Variants in DGKB observed in about 807,000 individuals in gnomAD.
DGKB encodes the protein diacylglycerol kinase beta, also known as 90 kDa diacylglycerol kinase.
A neutral mutation model predicts 114.3 loss-of-function variants in DGKB; 67 were observed. That is an observed-to-expected ratio of 0.59 (90% CI 0.48 to 0.72). The LOEUF (loss-of-function observed/expected upper bound fraction) is 0.72. DGKB is among the 30% of genes least tolerant of loss of function. DGKB has a pLI of 0.00. For synonymous variants in DGKB, 398 were observed against 323.1 expected (o/e 1.23, Z -2.49); for missense variants, 907 against 975.2 (o/e 0.93, Z 0.93).
intron 20 of DGKB, among the ~76,000 whole-genome samples, chr7:14,509,216 T>C (rs937226191): frequency 6.6e-6 from 1 of 152,144 alleles, no homozygotes; most frequent in African/African-American, 2.4e-5. Flanking sequence ...GGTTCAGTTC[T>C]AGAACACCAC....
chr7:14,499,148 C>T (rs181721659), intron 20 of DGKB, among the ~76,000 whole-genome samples: 6 of 151,770 alleles, frequency 4.0e-5, no homozygotes, highest in Admixed American at 1.3e-4. Context: ...AAATTTTGCA[C>T]TGGTTGCTTG....
chr7:14,867,001 C>T (rs1017119713), intron 1 of DGKB, among the ~76,000 whole-genome samples: 1 of 152,164 alleles, frequency 6.6e-6, no homozygotes, highest in African/African-American at 2.4e-5. Context: ...CATCTTTTCA[C>T]ATGCTTATTT....
At chr7:14,527,296 TACAGA>T (rs1215108320) in intron 20 of DGKB, among the ~76,000 whole-genome samples, 1 of 152,172 alleles carries the variant, frequency 6.6e-6, no homozygotes, top group Non-Finnish European at 1.5e-5. Flanking sequence ...ATCCACTGTA[TACAGA>T]ACAGAATTGG....
intron 2 of DGKB, among the ~76,000 whole-genome samples, chr7:14,782,845 T>A (rs562452727): frequency 5.9e-5 from 9 of 151,814 alleles, no homozygotes; most frequent in Non-Finnish European, 1.2e-4. Flanking sequence ...ATATATATAT[T>A]TTTAAGACAG....
chr7:14,689,199 ATT>A (rs551618345), intron 9 of DGKB, among the ~76,000 whole-genome samples: 9,126 of 76,504 alleles, frequency 0.12, 841 homozygotes, highest in African/African-American at 0.29. Flanking sequence ...AACTCCTCTT[ATT>A]TTTTTTTTTT....
At chr7:14,201,901 T>C (rs748304917) in intron 23 of DGKB, among the ~76,000 whole-genome samples, 4 of 151,986 alleles carry the variant, frequency 2.6e-5, no homozygotes, top group African/African-American at 4.8e-5. Context: ...TACGTTGAAT[T>C]AGTAATAATG....
rs1354648109 is a variant in DGKB at position 14,271,670 on chromosome 7, A to G, written c.2122+66845T>C. Among the ~76,000 whole-genome samples the G allele has an allele frequency of 2.0e-5, 3 of 152,214 alleles. No individual in the cohort carries two copies. In the East Asian group the frequency reaches 5.8e-4, roughly 29 times the overall value. On this transcript the variant is annotated intron_variant, in intron 23 of 25. Transcript: ENST00000402815. ...AAATAATGGCAAAGCACATGAACTG[A>G]GTGCTCTGAAAGAGAGCACTACAAA...
chr7:14,465,846 A>G (rs1221030732), intron 21 of DGKB, among the ~76,000 whole-genome samples: 1 of 152,208 alleles, frequency 6.6e-6, no homozygotes, highest in Admixed American at 6.5e-5. Context: ...ATAGTGAAGT[A>G]TGGCCCATAG....
At chr7:14,705,318 T>G (rs1385332095) in intron 6 of DGKB, among the ~76,000 whole-genome samples, 1 of 148,410 alleles carries the variant, frequency 6.7e-6, no homozygotes, top group Non-Finnish European at 1.5e-5. Context: ...TGGGACTATG[T>G]GAAAAGACCA....
chr7:14,698,446 G>T (rs921727726), intron 7 of DGKB, among the ~76,000 whole-genome samples: 2 of 152,118 alleles, frequency 1.3e-5, no homozygotes, highest in Non-Finnish European at 2.9e-5. Context: ...AAAAGAGAGT[G>T]TCTGAAGAAA....
intron 13 of DGKB, among the ~76,000 whole-genome samples, chr7:14,652,700 A>T (rs1327535146): frequency 2.7e-5 from 4 of 150,514 alleles, no homozygotes; most frequent in Non-Finnish European, 4.4e-5. Flanking sequence ...AACTACCATC[A>T]GAGTGAACAG....
intron 21 of DGKB, among the ~76,000 whole-genome samples, chr7:14,369,752 C>G (rs1817313281): frequency 6.6e-6 from 1 of 152,310 alleles, no homozygotes; most frequent in Non-Finnish European, 1.5e-5. Flanking sequence ...CCTTCATCCA[C>G]TTTTTGATGT....
intron 23 of DGKB, among the ~76,000 whole-genome samples, chr7:14,268,492 G>C (rs1278829165): frequency 6.6e-6 from 1 of 152,150 alleles, no homozygotes; most frequent in Non-Finnish European, 1.5e-5. Context: ...AGCAGGAAGA[G>C]GTACCCAAAG....
chr7:14,884,864 T>C (rs542004438), intron 1 of DGKB, among the ~76,000 whole-genome samples: 1 of 152,114 alleles, frequency 6.6e-6, no homozygotes, highest in African/African-American at 2.4e-5. Context: ...AGCCAATGAT[T>C]AGATATCTCT....
intron 20 of DGKB, among the ~76,000 whole-genome samples, chr7:14,525,846 T>C (rs1332576438): frequency 1.3e-5 from 2 of 148,208 alleles, no homozygotes; most frequent in African/African-American, 4.9e-5. Context: ...CATCATTACA[T>C]TGGACCCACA....
intron 20 of DGKB, among the ~76,000 whole-genome samples, chr7:14,512,128 G>T (rs1788068437): frequency 1.3e-5 from 2 of 152,218 alleles, no homozygotes; most frequent in South Asian, 4.1e-4. Flanking sequence ...TCAAAATAGG[G>T]TTGCCATAGA....
intron 1 of DGKB, among the ~76,000 whole-genome samples, chr7:14,959,353 T>G (rs183192062): frequency 6.6e-6 from 1 of 151,798 alleles, no homozygotes; most frequent in Admixed American, 6.6e-5. Flanking sequence ...ACTAATTTTA[T>G]ACCTGCAATT....
chr7:14,459,928 G>C (rs1832824576), intron 21 of DGKB, among the ~76,000 whole-genome samples: 1 of 152,146 alleles, frequency 6.6e-6, no homozygotes, highest in East Asian at 1.9e-4. Flanking sequence ...CCAGAAGAGA[G>C]AGGGGGGCCA....
chr7:14,323,528 T>G (rs1166874748), intron 23 of DGKB, among the ~76,000 whole-genome samples: 2 of 152,176 alleles, frequency 1.3e-5, no homozygotes, highest in Non-Finnish European at 2.9e-5. Context: ...AAGCTTCTCT[T>G]AAGAGAGCAT....
Sources: gnomAD v4.1 joint callset for allele counts (sites outside exome capture counted in the v4.1 genomes callset) on GRCh38, gnomAD v4.1.1 for gene constraint, MANE v1.5 for transcripts, NCBI Gene and HGNC (gene_info 2026-07-23, HGNC 2026-07-21) for gene names.